The following PTGER4 variants were observed in gnomAD, a reference collection of about 807,000 sequenced individuals.
PTGER4 encodes prostaglandin E receptor 4, also known as prostaglandin E2 receptor EP4 subtype.
In PTGER4, 11 loss-of-function variants were observed where a neutral mutation model predicts 33.2. That is an observed-to-expected ratio of 0.33 (90% confidence interval 0.21 to 0.55). The LOEUF is 0.55. PTGER4 is among the 20% of genes least tolerant of loss of function. The pLI is 0.92. For synonymous variants in PTGER4, 275 were observed against 281.5 expected, an observed-to-expected ratio of 0.98 and a Z score of 0.23; for missense variants, 481 against 650.2, an observed-to-expected ratio of 0.74 and a Z score of 2.83.
Position 40,681,921 on chromosome 5 carries a change from TTCCCCGCTCCCTGCTTTCCC to T in PTGER4, c.867+64_867+83del, listed in dbSNP as rs1302973035. The T allele has an allele frequency of 2.7e-6, 4 of 1,462,714 alleles. No individual in the cohort carries two copies. Among genetic ancestry groups the T allele is most frequent in the Non-Finnish European group, 3.6e-6 (4 of 1,107,732 alleles). The allele number at this position is 1,462,714 out of a possible 1,614,324, so 90.6% of individuals were successfully genotyped here. On this transcript the variant is annotated intron_variant, in intron 2 of 2. Coordinates refer to ENST00000302472, the MANE Select transcript of PTGER4 (RefSeq NM_000958.3). The surrounding 1 kb of genome is among the most constrained non-coding windows in gnomAD (Gnocchi z 9.8). ...TTCTCGCATCCACCTCCCGCGTCCA[TTCCCCGCTCCCTGCTTTCCC>T]TCTGAGTCCTTGGCAGTGAACGTGT...
chr5:40,708,812 C>T, the PTGER4 span, among the ~76,000 whole-genome samples: 4 of 152,306 alleles, frequency 2.6e-5, no homozygotes, highest in East Asian at 3.9e-4. Context: ...AATCCAGCAG[C>T]ACATCAAAAA....
chr5:40,738,282 T>C, the PTGER4 span, among the ~76,000 whole-genome samples: 2 of 151,500 alleles, frequency 1.3e-5, no homozygotes, highest in Admixed American at 1.3e-4. Context: ...CATAGAGTGG[T>C]GCGCGCCTGT....
chr5:40,724,606 C>T, the PTGER4 span, among the ~76,000 whole-genome samples: 2 of 151,744 alleles, frequency 1.3e-5, no homozygotes, highest in South Asian at 4.1e-4. Context: ...GCACTCCAGC[C>T]TGGGGAACAG....
In PTGER4 at chr5:40,692,583, C is replaced by G; in HGVS notation, c.*205C>G. On this transcript the variant is annotated 3_prime_UTR_variant, in exon 3 of 3. Coordinates refer to ENST00000302472, the MANE Select transcript of PTGER4 (RefSeq NM_000958.3). ...AGGCCTGCAGCACGTCGGATGCTAC[C>G]CCACTATGACAGAGGATTGTGGTCA... The G allele has an allele frequency of 7.4e-7, 1 of 1,347,224 alleles. No homozygotes were observed. The highest frequency in any genetic ancestry group is 9.5e-7 in the Non-Finnish European group (1 of 1,050,724). 83.5% of individuals were successfully genotyped at this position (1,347,224 alleles called of 1,614,324 possible).
At chr5:40,723,639 C>T in the PTGER4 span, among the ~76,000 whole-genome samples, 76 of 152,120 alleles carry the variant, frequency 5.0e-4, no homozygotes, top group African/African-American at 1.7e-3. Context: ...CCATGGTGGG[C>T]GGATCACCTG....
chr5:40,728,024 G>A, the PTGER4 span, among the ~76,000 whole-genome samples: 7 of 152,078 alleles, frequency 4.6e-5, no homozygotes, highest in Admixed American at 2.6e-4. Flanking sequence ...GCTCACGCCT[G>A]TAATCCCAGC....
chr5:40,690,559 G>A (rs17835256), intron 2 of PTGER4, among the ~76,000 whole-genome samples: 33,484 of 152,082 alleles, frequency 0.22, 4,372 homozygotes, highest in Admixed American at 0.37. Flanking sequence ...TTCATCCGTT[G>A]TGATTACTAT....
chr5:40,693,659 T>G lies in PTGER4; in HGVS notation c.*1281T>G. On this transcript the variant is annotated 3_prime_UTR_variant, in exon 3 of 3. Coordinates refer to ENST00000302472, the MANE Select transcript of PTGER4 (RefSeq NM_000958.3). ...CTTGGTTGTAATTAAATTCTGAGCC[T>G]GATATTGATATGGTTTTAAGAAGCA... 1 of 981,976 alleles carries G rather than the reference T, an allele frequency of 1.0e-6. No homozygotes were observed. The highest frequency in any genetic ancestry group is 1.2e-6 in the Non-Finnish European group (1 of 826,230). The allele number at this position is 981,976 out of a possible 1,614,324, so 60.8% of individuals were successfully genotyped here.
At position 40,692,830 on chromosome 5, in the gene PTGER4, C is replaced by A. The variant is rs539642513; in HGVS notation, c.*452C>A. ...ATGTGAATTTTTATTGTTGTACATA[C>A]GATTTAAGGTATTTAAAGTATTTTC... On this transcript the variant is annotated 3_prime_UTR_variant, in exon 3 of 3. Coordinates refer to ENST00000302472, the MANE Select transcript of PTGER4 (RefSeq NM_000958.3). 4 of 986,004 alleles carry A rather than the reference C, an allele frequency of 4.1e-6. No homozygotes were observed. Among genetic ancestry groups the A allele is most frequent in the African/African-American group, 3.5e-5 (2 of 57,128 alleles). 61.1% of individuals were successfully genotyped at this position (986,004 alleles called of 1,614,324 possible).
the PTGER4 span, among the ~76,000 whole-genome samples, chr5:40,707,114 G>A: frequency 6.6e-6 from 1 of 152,160 alleles, no homozygotes; most frequent in Non-Finnish European, 1.5e-5. Context: ...CGAAGAAACA[G>A]CATCAACTAA....
In PTGER4 at chr5:40,681,434, C is replaced by T; in HGVS notation, c.441C>T (p.Asn147=). Residue 147 remains asparagine (N), a synonymous_variant, in exon 2 of 3, where the codon AAC becomes AAT. Transcript: ENST00000302472. This position sits in a 1 kb window ranked among gnomAD's most constrained non-coding sequence, Gnocchi z 9.8. ...GLTLFAVYAS[N]VLFCALPNMG... is the part of the protein sequence containing the mutation. ...CGCTCTTTGCAGTCTATGCGTCCAA[C>T]GTGCTCTTTTGCGCGCTGCCCAACA... The T allele has an allele frequency of 6.2e-7, 1 of 1,613,964 alleles. No homozygotes were observed. Among genetic ancestry groups the T allele is most frequent in the Non-Finnish European group, 8.5e-7 (1 of 1,180,038 alleles).
At chr5:40,727,255 T>C in the PTGER4 span, among the ~76,000 whole-genome samples, 632 of 152,352 alleles carry the variant, frequency 4.1e-3, 3 homozygotes, top group African/African-American at 0.015. Flanking sequence ...AAATGTTTTA[T>C]TTTGAACTGT....
chr5:40,699,510 G>T, the PTGER4 span, among the ~76,000 whole-genome samples: 1 of 151,976 alleles, frequency 6.6e-6, no homozygotes, highest in Non-Finnish European at 1.5e-5. Context: ...TTTTATGAGG[G>T]CAACATATCA....
the PTGER4 span, chr5:40,746,754 A>G: frequency 6.9e-7 from 1 of 1,449,014 alleles, no homozygotes; most frequent in Non-Finnish European, 9.4e-7. Flanking sequence ...GTGAGCTAGA[A>G]AATGTAAGCT....
the PTGER4 span, among the ~76,000 whole-genome samples, chr5:40,739,712 C>A: frequency 1.3e-5 from 2 of 152,168 alleles, no homozygotes; most frequent in Non-Finnish European, 2.9e-5. Context: ...GCCCACAGAA[C>A]CGTGAGCCAA....
the PTGER4 span, among the ~76,000 whole-genome samples, chr5:40,723,153 G>C: frequency 6.6e-6 from 1 of 152,096 alleles, no homozygotes. Flanking sequence ...CGTGCTCTCT[G>C]AAACATGTGC....
At chr5:40,739,987 A>G in the PTGER4 span, among the ~76,000 whole-genome samples, 2 of 152,052 alleles carry the variant, frequency 1.3e-5, no homozygotes, top group Non-Finnish European at 2.9e-5. Flanking sequence ...TTTTACATCC[A>G]TTATTGGCTT....
intron 2 of PTGER4, among the ~76,000 whole-genome samples, chr5:40,684,645 G>A (rs1012357530): frequency 6.6e-6 from 1 of 152,138 alleles, no homozygotes; most frequent in African/African-American, 2.4e-5. Context: ...GAGAAAGGTT[G>A]GGAAATTAGT....
the PTGER4 span, among the ~76,000 whole-genome samples, chr5:40,740,098 T>C: frequency 6.6e-6 from 1 of 152,078 alleles, no homozygotes; most frequent in Non-Finnish European, 1.5e-5. Flanking sequence ...CTTCATGCTA[T>C]CTATTACAAT....
Sources: allele counts gnomAD v4.1 joint callset (sites outside exome capture counted in the v4.1 genomes callset), GRCh38; gene constraint gnomAD v4.1.1; non-coding constraint Gnocchi (gnomAD v3.1); transcripts MANE v1.5; gene names NCBI Gene and HGNC (gene_info 2026-07-23, HGNC 2026-07-21).